Variants in RNF20 observed in about 807,000 individuals in gnomAD.
RNF20 encodes the protein E3 ubiquitin-protein ligase BRE1A.
RNF20 carries 84 observed loss-of-function variants against 126.2 expected under a neutral mutation model. The observed-to-expected ratio is 0.67, with a 90% confidence interval of 0.56 to 0.80. The LOEUF (loss-of-function observed/expected upper bound fraction) is 0.80. Ranked by LOEUF, RNF20 falls within the 30% of genes least tolerant of loss-of-function variation. RNF20 has a pLI of 0.00. For synonymous variants in RNF20, 400 were observed against 414.3 expected (o/e 0.97, Z 0.42); for missense variants, 869 against 1,188.2 (o/e 0.73, Z 3.95).
At chr9:101,540,761 G>A (rs1163198208) in intron 4 of RNF20, 32 bp from the exon 5 acceptor site, 16 of 1,595,920 alleles carry the variant, frequency 1.0e-5, no homozygotes, top group Non-Finnish European at 9.4e-6. Flanking sequence ...TATAATTTTG[G>A]GGGGCTTCTT....
chr9:101,555,312 T>G (rs1827515657), intron 15 of RNF20, among the ~76,000 whole-genome samples: 2 of 151,938 alleles, frequency 1.3e-5, no homozygotes, highest in African/African-American at 4.8e-5. Context: ...AAATATGTGA[T>G]TTATATATAA....
intron 2 of RNF20, 39 bp from the exon 3 acceptor site, chr9:101,540,163 AT>A: frequency 6.3e-7 from 1 of 1,577,304 alleles, no homozygotes; most frequent in Non-Finnish European, 8.6e-7. Flanking sequence ...CATTTTTCTT[AT>A]TTCTTTGTGG....
intron 15 of RNF20, 137 bp from the exon 16 acceptor site, chr9:101,557,247 A>G: frequency 1.5e-6 from 1 of 651,388 alleles, no homozygotes; most frequent in African/African-American, 1.8e-5. Flanking sequence ...ATGCCTAGTG[A>G]CAAAACACAA....
intron 9 of RNF20, among the ~76,000 whole-genome samples, chr9:101,548,335 C>T (rs1827386640): frequency 6.6e-6 from 1 of 151,852 alleles, no homozygotes; most frequent in South Asian, 2.1e-4. Flanking sequence ...TTGGGGAAAT[C>T]GGAAGATGTT....
In RNF20 at chr9:101,536,413, G is replaced by A. The variant is rs1273900739; in HGVS notation, c.129+861G>A. The stretch of plus-strand genomic sequence containing the variant: ...ATTGCTTATTTGATTTTGAGGCTGA[G>A]GTTTATTTTAGAGAGGCTGATTTTT... On this transcript the variant is annotated intron_variant, in intron 2 of 19. Coordinates refer to ENST00000389120, the MANE Select transcript of RNF20 (RefSeq NM_019592.7). Among the ~76,000 whole-genome samples, 6 of 152,102 alleles carry A rather than the reference G, an allele frequency of 3.9e-5. No homozygotes were observed. In the East Asian group the frequency reaches 1.2e-3, roughly 29 times the overall value.
rs756995350 is a variant in RNF20, at chr9:101,540,193, T to C, written c.130-10T>C. ...TTTGTGGAGACTAATACGATTGGTT[T>C]ACTGGGCAGGAGGAACTAGACATTA... On this transcript the variant is annotated splice_polypyrimidine_tract_variant and intron_variant, in intron 2 of 19. Transcript: ENST00000389120. 1.2e-6 allele frequency: 2 copies of C among 1,612,724 alleles called. No homozygotes were observed. Among genetic ancestry groups the C allele is most frequent in the Non-Finnish European group, 1.7e-6 (2 of 1,178,854 alleles).
At chr9:101,552,034 G>A in intron 11 of RNF20, 107 bp from the exon 12 acceptor site, 2 of 1,439,080 alleles carry the variant, frequency 1.4e-6, no homozygotes, top group South Asian at 1.3e-5. Flanking sequence ...CTTTTATTTG[G>A]TAATTCTCCC....
At position 101,550,549 on chromosome 9, in the gene RNF20, C is replaced by G. The variant is rs576879048; in HGVS notation, c.1093-57C>G. 72 of 1,479,444 alleles carry G rather than the reference C, an allele frequency of 4.9e-5. No homozygotes were observed. In the African/African-American group the frequency reaches 8.7e-4, roughly 18 times the overall value. The allele number at this position is 1,479,444 out of a possible 1,614,324, so 91.6% of individuals were successfully genotyped here. A position where few individuals can be genotyped will look rare whatever the true frequency, so the allele number is the denominator to read the frequency against. On this transcript the variant is annotated intron_variant, in intron 9 of 19. Coordinates refer to ENST00000389120, the MANE Select transcript of RNF20 (RefSeq NM_019592.7). ...GTGAGTTCAAAATTTTACTTCCTGT[C>G]TAGCGTCTGGGGCAATGCTAGATTC... is the stretch of plus-strand genomic sequence containing the variant.
intron 16 of RNF20, among the ~76,000 whole-genome samples, chr9:101,560,297 G>A (rs183541502): frequency 5.1e-4 from 78 of 152,220 alleles, no homozygotes; most frequent in African/African-American, 1.8e-3. Context: ...TGAAGGCAGT[G>A]TGAGAAACTG....
chr9:101,537,560 G>A (rs1206630441), intron 2 of RNF20, among the ~76,000 whole-genome samples: 2 of 152,198 alleles, frequency 1.3e-5, no homozygotes, highest in African/African-American at 2.4e-5. Context: ...TTACATCTAT[G>A]AGACTACAGA....
chr9:101,551,521 T>A (rs1588222418), intron 10 of RNF20, among the ~76,000 whole-genome samples, 163 bp from the exon 11 acceptor site: 1 of 120,760 alleles, frequency 8.3e-6, no homozygotes, highest in Non-Finnish European at 1.9e-5. Context: ...GGCCATTTTC[T>A]TTATTTTTCA....
At chr9:101,535,097 C>T (rs974804349) in intron 1 of RNF20, among the ~76,000 whole-genome samples, 3 of 151,820 alleles carry the variant, frequency 2.0e-5, no homozygotes, top group Non-Finnish European at 2.9e-5. Context: ...TTAGTAGAGA[C>T]GGGGTTTCAC....
intron 16 of RNF20, among the ~76,000 whole-genome samples, chr9:101,558,790 A>G (rs1011540868): frequency 2.6e-5 from 4 of 152,066 alleles, no homozygotes; most frequent in African/African-American, 9.7e-5. Flanking sequence ...AGTTCCTTGT[A>G]GATTCTGGAT....
chr9:101,557,638 G>A (rs766401799), intron 16 of RNF20, 42 bp downstream of exon 16: 1 of 1,440,374 alleles, frequency 6.9e-7, no homozygotes, highest in Non-Finnish European at 9.7e-7. Context: ...TTGAAATAGG[G>A]TGCTTTCTAC....
At chr9:101,560,679 A>G (rs904783792) in intron 16 of RNF20, 122 bp from the exon 17 acceptor site, 6 of 943,118 alleles carry the variant, frequency 6.4e-6, no homozygotes, top group Non-Finnish European at 9.1e-6. Context: ...TTCATGGGCA[A>G]AATCAGTAAT....
intron 1 of RNF20, among the ~76,000 whole-genome samples, 199 bp from the exon 2 acceptor site, chr9:101,535,199 G>A (rs1293842763): frequency 2.0e-5 from 3 of 151,474 alleles, no homozygotes; most frequent in East Asian, 1.9e-4. Flanking sequence ...GAGCCACCGC[G>A]CCCGGCCCGC....
rs370654970 is a variant in RNF20, at chr9:101,554,671, G to A, written c.2020-23G>A. 6.9e-6 allele frequency: 11 copies of A among 1,602,478 alleles called. No individual in the cohort carries two copies. In the African/African-American group the frequency reaches 8.1e-5, roughly 12 times the overall value. ...AAATGTGTTATAACTTTTTATTTTT[G>A]TGCAATTCCTTTCCTCTTATAGTTG... On this transcript the variant is annotated intron_variant, in intron 14 of 19. Coordinates refer to ENST00000389120, the MANE Select transcript of RNF20 (RefSeq NM_019592.7).
At chr9:101,555,261 T>A (rs1827514815) in intron 15 of RNF20, among the ~76,000 whole-genome samples, 4 of 151,864 alleles carry the variant, frequency 2.6e-5, no homozygotes. Flanking sequence ...CATTATATAT[T>A]TCTATGTAGT....
intron 11 of RNF20, 107 bp from the exon 12 acceptor site, chr9:101,552,034 G>C (rs1827454661): frequency 1.4e-6 from 2 of 1,438,962 alleles, no homozygotes; most frequent in South Asian, 1.3e-5. Flanking sequence ...CTTTTATTTG[G>C]TAATTCTCCC....
Sources: allele counts gnomAD v4.1 joint callset (sites outside exome capture counted in the v4.1 genomes callset), GRCh38; gene constraint gnomAD v4.1.1; transcripts MANE v1.5; gene names NCBI Gene and HGNC (gene_info 2026-07-23, HGNC 2026-07-21).